The following CDCP1 variants were observed in gnomAD, a reference collection of about 807,000 sequenced individuals.
CDCP1 encodes CUB domain-containing protein 1.
A neutral mutation model predicts 60.2 loss-of-function variants in CDCP1; 29 were observed. The observed-to-expected ratio is 0.48, with a 90% CI of 0.36 to 0.66. The LOEUF is 0.66. Ranked by LOEUF, CDCP1 falls within the 30% of genes least tolerant of loss-of-function variation. The pLI is 0.00. For synonymous variants in CDCP1, 387 were observed against 431.1 expected (o/e 0.90, Z 1.27); for missense variants, 876 against 1,074.3 (o/e 0.82, Z 2.58).
At chr3:45,111,999 C>A in intron 3 of CDCP1, 84 bp downstream of exon 3, 1 of 1,497,654 alleles carries the variant, frequency 6.7e-7, no homozygotes, top group Non-Finnish European at 9.0e-7. Context: ...TAGAGATTTG[C>A]TGACATTTGA....
At position 45,126,106 on chromosome 3, in the gene CDCP1, CTCTCTTTCTTTCTTTCTTTCTT is replaced by C. The variant is rs1306326679; in HGVS notation, c.83-7507_83-7486del. On this transcript the variant is annotated intron_variant, in intron 1 of 8. Transcript: ENST00000296129. Reference sequence around the variant, plus strand: ...GCAACTGCTGCCATTCTTTGTCTCTCTCTCTTTCTTTCTTTCTTTCTTTCTTTCTTTCTTTCTTTCTTTCTTT... The same window carrying C: ...GCAACTGCTGCCATTCTTTGTCTCTCTCTTTCTTTCTTTCTTTCTTTCTTT... Among the ~76,000 whole-genome samples the C allele has an allele frequency of 5.0e-3, 742 of 149,850 alleles. 7 individuals are homozygous for C. The highest frequency in any genetic ancestry group is 0.013 in the Admixed American group (190 of 14,968).
intron 7 of CDCP1, 34 bp from the exon 8 acceptor site, chr3:45,089,175 G>T: frequency 6.4e-7 from 1 of 1,568,148 alleles, no homozygotes; most frequent in Non-Finnish European, 8.8e-7. Context: ...CAGATGAAGA[G>T]GCAGCTGGGG....
At position 45,091,700 on chromosome 3, in the gene CDCP1, T is replaced by G. The variant is rs1483456580; in HGVS notation, c.1628-162A>C. On this transcript the variant is annotated intron_variant, in intron 6 of 8. Coordinates refer to ENST00000296129, the MANE Select transcript of CDCP1 (RefSeq NM_022842.5). This position sits in a 1 kb window ranked among gnomAD's most constrained non-coding sequence, Gnocchi z 4.8. Reference sequence around the variant, plus strand: ...TCTAGATCTGCACCATCTGATAGGGTAGCCACCAGCTATATGTCTGCTGAG... The same window carrying G: ...TCTAGATCTGCACCATCTGATAGGGGAGCCACCAGCTATATGTCTGCTGAG... 6.6e-6 allele frequency among the ~76,000 whole-genome samples: 1 copy of G among 152,224 alleles called. No homozygotes were observed. Among genetic ancestry groups the G allele is most frequent in the East Asian group, 1.9e-4 (1 of 5,202 alleles).
At chr3:45,145,633 C>G (rs1451417305) in intron 1 of CDCP1, among the ~76,000 whole-genome samples, 2 of 152,150 alleles carry the variant, frequency 1.3e-5, no homozygotes, top group East Asian at 1.9e-4. Flanking sequence ...CATTTTTGCA[C>G]CAACGCTCTT....
intron 4 of CDCP1, among the ~76,000 whole-genome samples, chr3:45,107,247 C>T (rs534561192): frequency 8.6e-5 from 13 of 151,838 alleles, no homozygotes; most frequent in African/African-American, 2.7e-4. Flanking sequence ...TGCTGTGTTG[C>T]CCAGGCTGGA....
intron 2 of CDCP1, 85 bp downstream of exon 2, chr3:45,118,327 G>T: frequency 9.8e-7 from 1 of 1,022,160 alleles, no homozygotes; most frequent in Non-Finnish European, 1.5e-6. Context: ...TAGCATTAGA[G>T]ACTGACTTAG....
chr3:45,095,518 T>C lies in CDCP1; in HGVS notation c.1075A>G (p.Ile359Val), dbSNP rs1378947926. The C allele has an allele frequency of 6.2e-7, 1 of 1,614,018 alleles. No individual in the cohort carries two copies. ...LSNERAMSLT[I>V]EPRPVKQSRK... is the part of the protein sequence containing the mutation. ...CTCTGTTTGACGGGCCGTGGCTCGA[T>C]GGTGAGTGACATGGCTCGCTCATTA... Residue 359 changes from isoleucine (I) to valine (V), a missense_variant, in exon 5 of 9, where the codon ATC becomes GTC. This residue lies in a region of CDCP1 where 726 missense variants were observed against 935.7 expected (regional missense o/e 0.78). Coordinates refer to ENST00000296129, the MANE Select transcript of CDCP1 (RefSeq NM_022842.5).
chr3:45,118,734 T>C (rs1387003788), intron 1 of CDCP1, 113 bp from the exon 2 acceptor site: 1 of 752,130 alleles, frequency 1.3e-6, no homozygotes, highest in African/African-American at 1.7e-5. Flanking sequence ...ACTTTGTTCC[T>C]TCCCTCCTTT....
chr3:45,112,273 G>T lies in CDCP1; in HGVS notation c.465C>A (p.Cys155Ter), dbSNP rs750953767. ...TGATGGAGTGAGTGACTCCGTCTGG[G>T]CAGCTCTCACCCGGACCGATCTGCC... ...RLRQIGPGES[C>*]PDGVTHSISG... The change falls in exon 3 of 9, where the codon TGC becomes TGA. Residue 155 changes from cysteine (C) to a stop codon, truncating the protein, a stop_gained. Transcript: ENST00000296129. LOFTEE classifies it high-confidence loss of function. 7 of 1,614,104 alleles carry T rather than the reference G, an allele frequency of 4.3e-6. No homozygotes were observed. The highest frequency in any genetic ancestry group is 5.9e-6 in the Non-Finnish European group (7 of 1,180,044).
rs1698134438 is a variant in CDCP1, at chr3:45,083,359, G to A, written c.*2279C>T. 1.3e-5 allele frequency: 2 copies of A among 152,328 alleles called. No homozygotes were observed. The highest frequency in any genetic ancestry group is 4.1e-4 in the South Asian group (2 of 4,820). 9.4% of individuals were successfully genotyped at this position (152,328 alleles called of 1,614,324 possible). A position where few individuals can be genotyped will look rare whatever the true frequency, so the allele number is the denominator to read the frequency against. ...CCTATCCTCTGGAAAGTGTTCAAGA[G>A]GTCTTGCAGTACACGCCATTTAGGA... On this transcript the variant is annotated 3_prime_UTR_variant, in exon 9 of 9. Coordinates refer to ENST00000296129, the MANE Select transcript of CDCP1 (RefSeq NM_022842.5).
At chr3:45,114,182 G>A (rs1186308439) in intron 2 of CDCP1, among the ~76,000 whole-genome samples, 2 of 152,282 alleles carry the variant, frequency 1.3e-5, no homozygotes, top group East Asian at 3.9e-4. Context: ...GTGAGAGTCA[G>A]GTTATGAAAG....
At chr3:45,136,134 G>A (rs1198286769) in intron 1 of CDCP1, among the ~76,000 whole-genome samples, 3 of 152,146 alleles carry the variant, frequency 2.0e-5, no homozygotes, top group Admixed American at 2.0e-4. Flanking sequence ...CTTGGACTGG[G>A]CTAGATCTTT....
rs532705530 is a variant in CDCP1 at position 45,142,829 on chromosome 3, C to T, written c.82+3377G>A. Among the ~76,000 whole-genome samples the T allele has an allele frequency of 7.2e-5, 11 of 152,246 alleles. 1 individual carries two copies. In the South Asian group the frequency reaches 1.7e-3, roughly 23 times the overall value. ...ACTCTGCTTCCAGAACGTGGAAATGCGCGTCCAAAGCCCTAAGAGCCTCTC... is the reference window on the plus strand; with the variant it reads ...ACTCTGCTTCCAGAACGTGGAAATGTGCGTCCAAAGCCCTAAGAGCCTCTC... On this transcript the variant is annotated intron_variant, in intron 1 of 8. Coordinates refer to ENST00000296129, the MANE Select transcript of CDCP1 (RefSeq NM_022842.5).
intron 3 of CDCP1, 126 bp downstream of exon 3, chr3:45,111,957 A>T: frequency 8.1e-7 from 1 of 1,231,538 alleles, no homozygotes; most frequent in Non-Finnish European, 1.1e-6. Flanking sequence ...TAAGAGAGCT[A>T]GATCTTCCTT....
rs552360165 is a variant in CDCP1, at chr3:45,085,814, T to A, written c.2335A>T (p.Ile779Leu). The A allele has an allele frequency of 6.2e-7, 1 of 1,613,986 alleles. No homozygotes were observed. Among genetic ancestry groups the A allele is most frequent in the South Asian group, 1.1e-5 (1 of 91,056 alleles). Residue 779 changes from isoleucine to leucine, a missense_variant, in exon 9 of 9, where the codon ATA (isoleucine) becomes TTA (leucine). Physicochemically the swap from Ile to Leu is conservative, Grantham distance 5 (BLOSUM62 2). Coordinates refer to ENST00000296129, the MANE Select transcript of CDCP1 (RefSeq NM_022842.5). The surrounding 1 kb of genome is among the most constrained non-coding windows in gnomAD (Gnocchi z 4.2). ...MGVCPPSPPT[I>L]CSRAPTAKLA... ...TTTGCAGTTGGGGCCCTGGAGCATATGGTGGGTGGGGAGGGAGGACAGACC... is the reference window on the plus strand; with the variant it reads ...TTTGCAGTTGGGGCCCTGGAGCATAAGGTGGGTGGGGAGGGAGGACAGACC...
At chr3:45,132,406 G>C (rs1699115577) in intron 1 of CDCP1, among the ~76,000 whole-genome samples, 2 of 152,138 alleles carry the variant, frequency 1.3e-5, no homozygotes. Flanking sequence ...CACTAGAGAC[G>C]GGGTGGGGTG....
At chr3:45,125,216 G>T (rs770437725) in intron 1 of CDCP1, among the ~76,000 whole-genome samples, 1 of 152,222 alleles carries the variant, frequency 6.6e-6, no homozygotes, top group African/African-American at 2.4e-5. Context: ...CCACTCTGGG[G>T]AGTTTGATTT....
chr3:45,087,722 TA>T (rs1559773288), intron 8 of CDCP1, among the ~76,000 whole-genome samples: 1 of 152,178 alleles, frequency 6.6e-6, no homozygotes, highest in Admixed American at 6.5e-5. Context: ...AGTTAATTTT[TA>T]AAAAAGAATT....
At position 45,093,450 on chromosome 3, in the gene CDCP1, G is replaced by A; in HGVS notation, c.1454C>T (p.Ala485Val). Residue 485 changes from alanine to valine, a missense_variant, in exon 6 of 9, where the codon GCC (alanine) becomes GTC (valine). This residue lies in a region of CDCP1 where 726 missense variants were observed against 935.7 expected (regional missense o/e 0.78). Transcript: ENST00000296129. ...CAGGTCCTGGCTGGGTATGGCACTG[G>A]CCACGAGGTAGCTGAAGCTGGTGTT... ...PCNTSFSYLV[A>V]SAIPSQDLYF... is the part of the protein sequence containing the mutation. 1 of 1,614,128 alleles carries A rather than the reference G, an allele frequency of 6.2e-7. No homozygotes were observed. The highest frequency in any genetic ancestry group is 1.1e-5 in the South Asian group (1 of 91,078).
Sources: allele counts gnomAD v4.1 joint callset (sites outside exome capture counted in the v4.1 genomes callset), GRCh38; gene constraint gnomAD v4.1.1; regional missense constraint gnomAD v4.1.1; non-coding constraint Gnocchi (gnomAD v3.1); transcripts MANE v1.5; gene names NCBI Gene and HGNC (gene_info 2026-07-23, HGNC 2026-07-21).